The following NBPF20 variants were observed in gnomAD, a reference collection of about 807,000 sequenced individuals.
NBPF20 encodes NBPF family member NBPF20.
A neutral mutation model predicts 68.1 loss-of-function variants in NBPF20; 90 were observed. The ratio of observed to expected loss-of-function variants is 1.32; its 90% CI spans 1.11 to 1.58. The LOEUF (loss-of-function observed/expected upper bound fraction) is 1.58. Ranked by LOEUF, NBPF20 falls within the 40% of genes most tolerant of loss-of-function variation. The pLI, the probability that NBPF20 is intolerant of heterozygous loss-of-function variation, is 0.00. For synonymous variants in NBPF20, 290 were observed against 228.1 expected (o/e 1.27, Z -2.45); for missense variants, 816 against 601.2 (o/e 1.36, Z -3.74).
At chr1:145,292,803 G>C (rs1338723283) in intron 136 of NBPF20, among the ~76,000 whole-genome samples, 1 of 78,570 alleles carries the variant, frequency 1.3e-5, no homozygotes, top group African/African-American at 6.3e-5. Context: ...ATTTCTAGGA[G>C]AAAAACTGCA....
chr1:145,291,790 A>G, intron 137 of NBPF20, 21 bp from the exon 143 acceptor site: 2 of 1,611,976 alleles, frequency 1.2e-6, no homozygotes, highest in Non-Finnish European at 1.7e-6. Flanking sequence ...AGACAAAACT[A>G]AAGAAGCAGC....
chr1:145,417,650 ATC>A, the NBPF20 span, among the ~76,000 whole-genome samples: 1 of 148,572 alleles, frequency 6.7e-6, no homozygotes, highest in Non-Finnish European at 1.5e-5. Flanking sequence ...AAGGTGAAAG[ATC>A]TCAACACCTC....
the NBPF20 span, among the ~76,000 whole-genome samples, chr1:145,425,046 A>AG: frequency 6.6e-6 from 1 of 152,056 alleles, no homozygotes; most frequent in Admixed American, 6.6e-5. Context: ...GGTCCTCCAC[A>AG]GGATACACGA....
intron 7 of NBPF20, among the ~76,000 whole-genome samples, chr1:145,397,709 G>A (rs1174387284): frequency 1.3e-5 from 2 of 152,168 alleles, no homozygotes; most frequent in East Asian, 1.9e-4. Flanking sequence ...ATATCATAAC[G>A]ACAGGATCAA....
rs518466 is a variant in NBPF20 at position 145,400,738 on chromosome 1, C to T, written c.567-144G>A. ...GAGGTTCCCATTAAGGGGGAACATG[C>T]AATCCTGTTCTCTCTGCAACAGAGC... On this transcript the variant is annotated intron_variant, in intron 5 of 137. Transcript: ENST00000369373. The T allele has an allele frequency of 4.3e-5, 58 of 1,353,644 alleles. No individual in the cohort carries two copies. The African/African-American group carries it at 7.7e-4, about 18-fold the overall frequency. 83.9% of individuals were successfully genotyped at this position (1,353,644 alleles called of 1,614,324 possible).
upstream of NBPF20, among the ~76,000 whole-genome samples, chr1:145,406,026 C>G (rs1248102162): frequency 6.7e-6 from 1 of 150,118 alleles, no homozygotes; most frequent in Admixed American, 6.6e-5. Flanking sequence ...TCACGCTATT[C>G]TCCTGCCTCA....
At chr1:145,411,585 T>C in the NBPF20 span, among the ~76,000 whole-genome samples, 1 of 91,314 alleles carries the variant, frequency 1.1e-5, no homozygotes, top group Non-Finnish European at 2.2e-5. Flanking sequence ...AGAGATGGGG[T>C]TTCACTGTGT....
chr1:145,306,300 GACAC>G lies in NBPF20; in HGVS notation c.14445-239_14445-236del, dbSNP rs1165100740. On this transcript the variant is annotated intron_variant, in intron 119 of 137. Coordinates refer to ENST00000369373, the Ensembl canonical transcript of NBPF20. ...ACACACACACACACACACACACACA[GACAC>G]ACACACACACACAGAGAGAGAGAAC... 2.8e-3 allele frequency among the ~76,000 whole-genome samples: 388 copies of G among 139,432 alleles called. 5 individuals carry two copies. The highest frequency in any genetic ancestry group is 9.6e-3 in the African/African-American group (361 of 37,736). 91.5% of individuals were successfully genotyped at this position (139,432 alleles called of 152,430 possible). A position where few individuals can be genotyped will look rare whatever the true frequency, so the allele number is the denominator to read the frequency against.
exon 138 of NBPF20, chr1:145,290,436 C>T (rs1341779508): frequency 4.0e-5 from 6 of 149,400 alleles, no homozygotes; most frequent in East Asian, 2.0e-4. Flanking sequence ...GCAGTGTTCC[C>T]GGCAAAACGT....
At chr1:145,425,111 C>T in the NBPF20 span, among the ~76,000 whole-genome samples, 1 of 152,134 alleles carries the variant, frequency 6.6e-6, no homozygotes, top group East Asian at 1.9e-4. Context: ...CACAGAACAC[C>T]CGCCAGCGAG....
the NBPF20 span, among the ~76,000 whole-genome samples, chr1:145,422,366 G>A: frequency 6.8e-6 from 1 of 147,678 alleles, no homozygotes; most frequent in Non-Finnish European, 1.5e-5. Context: ...CATTTTCCCT[G>A]AATGCCCAAC....
In NBPF20 at chr1:145,292,619, T is replaced by A. The variant is rs188345641; in HGVS notation, c.16589-130A>T. 1,185 of 744,764 alleles carry A rather than the reference T, an allele frequency of 1.6e-3. 24 individuals carry two copies. Among genetic ancestry groups the A allele is most frequent in the Middle Eastern group, 8.4e-3 (23 of 2,732 alleles). 46.1% of individuals were successfully genotyped at this position (744,764 alleles called of 1,614,324 possible). On this transcript the variant is annotated intron_variant, in intron 136 of 137. Coordinates refer to ENST00000369373, the Ensembl canonical transcript of NBPF20. ...AGAATAGGACACTTTGAGAGATATA[T>A]TTCAGGAGGCCTGAAGGCTGTTCAT... is the stretch of plus-strand genomic sequence containing the variant.
intron 6 of NBPF20, among the ~76,000 whole-genome samples, 188 bp downstream of exon 11, chr1:145,400,201 C>T (rs1371855350): frequency 6.6e-6 from 1 of 152,132 alleles, no homozygotes; most frequent in Non-Finnish European, 1.5e-5. Flanking sequence ...GGTTGAGTAA[C>T]TTGATACTGG....
chr1:145,400,494 G>A (rs1662469729), exon 6 of NBPF20: 12 of 1,612,880 alleles, frequency 7.4e-6, no homozygotes, highest in Non-Finnish European at 1.0e-5. Context: ...TTCCTATGTG[G>A]CTGGTTGGAG....
chr1:145,393,357 A>T, intron 9 of NBPF20, 111 bp from the exon 15 acceptor site: 3 of 707,508 alleles, frequency 4.2e-6, no homozygotes, highest in Non-Finnish European at 7.8e-6. Flanking sequence ...AAAAGGACAG[A>T]TCCATTAATG....
At chr1:145,400,907 C>T (rs1284850226) in intron 5 of NBPF20, among the ~76,000 whole-genome samples, 152 bp downstream of exon 10, 3 of 151,918 alleles carry the variant, frequency 2.0e-5, no homozygotes, top group South Asian at 4.2e-4. Flanking sequence ...ATGACAGCTG[C>T]CGCACCCTGT....
intron 7 of NBPF20, among the ~76,000 whole-genome samples, chr1:145,397,924 G>C (rs1200004248): frequency 1.1e-3 from 170 of 152,126 alleles, no homozygotes; most frequent in African/African-American, 3.8e-3. Flanking sequence ...AAAAAGGCAG[G>C]GGTTGCAATC....
chr1:145,404,346 C>G (rs1454401048), intron 2 of NBPF20, among the ~76,000 whole-genome samples: 5 of 151,944 alleles, frequency 3.3e-5, no homozygotes, highest in Non-Finnish European at 7.4e-5. Flanking sequence ...GCAACATCTG[C>G]CTGCTGGGTT....
At chr1:145,410,698 ATATGTGTG>A in the NBPF20 span, among the ~76,000 whole-genome samples, 1,569 of 112,978 alleles carry the variant, frequency 0.014, 26 homozygotes, top group Non-Finnish European at 0.021. Flanking sequence ...CAATATATAT[ATATGTGTG>A]TGTGTGTGTG....
Sources: allele counts gnomAD v4.1 joint callset (sites outside exome capture counted in the v4.1 genomes callset), GRCh38; gene constraint gnomAD v4.1.1; transcripts MANE v1.5; gene names NCBI Gene and HGNC (gene_info 2026-07-23, HGNC 2026-07-21).